FGF12: variants seen among roughly 807,000 people sequenced by gnomAD.
FGF12 encodes the protein fibroblast growth factor 12, also known as fibroblast growth factor 12B.
FGF12 carries 14 observed loss-of-function variants against 23.6 expected under a neutral mutation model. The observed-to-expected ratio is 0.59, with a 90% CI of 0.39 to 0.93. FGF12 has a LOEUF of 0.93. FGF12 is among the 40% of genes least tolerant of loss of function. The pLI is 0.00. For synonymous variants in FGF12, 62 were observed against 77.3 expected, an observed-to-expected ratio of 0.80 and a Z score of 1.04; for missense variants, 175 against 217.8, an observed-to-expected ratio of 0.80 and a Z score of 1.24.
At chr3:192,516,129 C>G (rs1411446859) in intron 2 of FGF12, among the ~76,000 whole-genome samples, 1 of 146,762 alleles carries the variant, frequency 6.8e-6, no homozygotes, top group Non-Finnish European at 1.5e-5. Context: ...TCTCACACAC[C>G]CCCTGAGAGT....
At chr3:192,671,249 T>C (rs1452858367) in intron 2 of FGF12, among the ~76,000 whole-genome samples, 1 of 152,192 alleles carries the variant, frequency 6.6e-6, no homozygotes, top group Non-Finnish European at 1.5e-5. Flanking sequence ...GATGTGATTG[T>C]TTTTGTGCTT....
At chr3:192,543,377 C>A (rs1452683479) in intron 2 of FGF12, among the ~76,000 whole-genome samples, 1 of 152,022 alleles carries the variant, frequency 6.6e-6, no homozygotes, top group African/African-American at 2.4e-5. Flanking sequence ...GTGAATGCTG[C>A]CAAGCCTGGG....
At chr3:192,226,278 A>G (rs959204080) in intron 4 of FGF12, among the ~76,000 whole-genome samples, 5 of 152,186 alleles carry the variant, frequency 3.3e-5, no homozygotes, top group Non-Finnish European at 5.9e-5. Context: ...CATGATTACC[A>G]TAATATGTCA....
chr3:192,441,497 T>C (rs1401746930), intron 2 of FGF12, among the ~76,000 whole-genome samples: 3 of 152,186 alleles, frequency 2.0e-5, no homozygotes, highest in African/African-American at 7.2e-5. Context: ...CGTTTTTTTC[T>C]GACATCCTAT....
In FGF12 at chr3:192,167,759, ATATATATATAAAATTTTTT is replaced by A. The variant is rs1345426060; in HGVS notation, c.427+2680_427+2698del. Among the ~76,000 whole-genome samples the A allele has an allele frequency of 2.8e-4, 10 of 35,454 alleles. 2 individuals are homozygous for A. The highest frequency in any genetic ancestry group is 4.4e-4 in the Non-Finnish European group (8 of 18,316). 23.3% of individuals were successfully genotyped at this position (35,454 alleles called of 152,430 possible). ...TATATATATATATATATATATATAT[ATATATATATAAAATTTTTT>A]TTTTTTTTTTTTTTTGAGAAAGAAT... On this transcript the variant is annotated intron_variant, in intron 5 of 5. Coordinates refer to ENST00000445105, the MANE Select transcript of FGF12 (RefSeq NM_004113.6).
At chr3:192,600,091 C>T (rs1714049773) in intron 2 of FGF12, among the ~76,000 whole-genome samples, 1 of 152,066 alleles carries the variant, frequency 6.6e-6, no homozygotes, top group African/African-American at 2.4e-5. Context: ...GACCTAGTTC[C>T]ATTCTTCTGC....
At chr3:192,580,891 T>C (rs920441995) in intron 2 of FGF12, among the ~76,000 whole-genome samples, 1 of 152,148 alleles carries the variant, frequency 6.6e-6, no homozygotes, top group Non-Finnish European at 1.5e-5. Flanking sequence ...GAGCCACCAC[T>C]TCCGGCCTCA....
chr3:192,631,340 C>A (rs1156541034), intron 2 of FGF12, among the ~76,000 whole-genome samples: 1 of 152,200 alleles, frequency 6.6e-6, no homozygotes, highest in Non-Finnish European at 1.5e-5. Flanking sequence ...TAGCATCCAT[C>A]ACGACATCTA....
At chr3:192,588,596 A>G (rs1047638238) in intron 2 of FGF12, among the ~76,000 whole-genome samples, 6 of 151,878 alleles carry the variant, frequency 4.0e-5, no homozygotes, top group African/African-American at 1.4e-4. Context: ...TAGACTTTAC[A>G]GTGTTATTTT....
chr3:192,283,160 T>G, intron 4 of FGF12: 1 of 152,114 alleles, frequency 6.6e-6, no homozygotes, highest in East Asian at 1.9e-4. Flanking sequence ...TAACACATAT[T>G]TTTGAATGTT....
At chr3:192,335,307 C>T (rs1002740662) in intron 4 of FGF12, 54 bp downstream of exon 4, 6 of 1,155,898 alleles carry the variant, frequency 5.2e-6, no homozygotes, top group Admixed American at 1.8e-5. Flanking sequence ...ACTCCATTAC[C>T]TCTCAGTGGT....
chr3:192,635,560 C>T (rs1715547029), intron 2 of FGF12, among the ~76,000 whole-genome samples: 1 of 152,214 alleles, frequency 6.6e-6, no homozygotes, highest in South Asian at 2.1e-4. Context: ...CCTAAAAGTG[C>T]TTGACCGTAG....
rs1175715148 is a variant in FGF12, at chr3:192,336,210, A to G, written c.125-746T>C. 6.6e-6 allele frequency among the ~76,000 whole-genome samples: 1 copy of G among 151,744 alleles called. No individual in the cohort carries two copies. The highest frequency in any genetic ancestry group is 1.5e-5 in the Non-Finnish European group (1 of 67,902). ...TATATATATGCACACACACACACAT[A>G]TACTCAAAACCATTAAGAATTAATT... is the stretch of plus-strand genomic sequence containing the variant. On this transcript the variant is annotated intron_variant, in intron 3 of 5. Coordinates refer to ENST00000445105, the MANE Select transcript of FGF12 (RefSeq NM_004113.6). This position sits in a 1 kb window ranked among gnomAD's most constrained non-coding sequence, Gnocchi z 4.3.
chr3:192,414,840 T>C (rs77095777), intron 2 of FGF12, among the ~76,000 whole-genome samples: 227 of 152,276 alleles, frequency 1.5e-3, no homozygotes, highest in African/African-American at 5.3e-3. Context: ...GATCATTTTG[T>C]GTTGGAAGGG....
chr3:192,480,278 A>G (rs922602987), intron 2 of FGF12, among the ~76,000 whole-genome samples: 1 of 152,152 alleles, frequency 6.6e-6, no homozygotes, highest in Non-Finnish European at 1.5e-5. Context: ...TGCCAACAAA[A>G]CCTATTTTTC....
At chr3:192,369,041 G>A (rs1164437167) in intron 2 of FGF12, among the ~76,000 whole-genome samples, 1 of 152,128 alleles carries the variant, frequency 6.6e-6, no homozygotes, top group African/African-American at 2.4e-5. Context: ...CATAGGTTAG[G>A]AGAGCTGTGC....
chr3:192,424,726 G>A (rs558658325), intron 2 of FGF12, among the ~76,000 whole-genome samples: 5 of 151,834 alleles, frequency 3.3e-5, no homozygotes, highest in African/African-American at 4.8e-5. Flanking sequence ...TATAAACAAC[G>A]TTTATTCTTA....
At chr3:192,328,981 T>C (rs1716969632) in intron 4 of FGF12, among the ~76,000 whole-genome samples, 2 of 152,226 alleles carry the variant, frequency 1.3e-5, no homozygotes, top group Admixed American at 6.5e-5. Flanking sequence ...CTTTGATCAA[T>C]GTAATCATAG....
At chr3:192,267,816 T>C (rs1237885827) in intron 4 of FGF12, among the ~76,000 whole-genome samples, 1 of 152,208 alleles carries the variant, frequency 6.6e-6, no homozygotes, top group Non-Finnish European at 1.5e-5. Context: ...AAAATATGAT[T>C]TCTGTGCTAT....
Sources: gnomAD v4.1 joint callset for allele counts (sites outside exome capture counted in the v4.1 genomes callset) on GRCh38, gnomAD v4.1.1 for gene constraint, Gnocchi (gnomAD v3.1) non-coding constraint, MANE v1.5 for transcripts, NCBI Gene and HGNC (gene_info 2026-07-23, HGNC 2026-07-21) for gene names.